GALNTL6: variants seen among roughly 807,000 people sequenced by gnomAD.
GALNTL6 encodes polypeptide N-acetylgalactosaminyltransferase like 6, also known as polypeptide N-acetylgalactosaminyltransferase-like 6.
GALNTL6 carries 46 observed loss-of-function variants against 73.7 expected under a neutral mutation model. That is an observed-to-expected ratio of 0.62 (90% confidence interval 0.49 to 0.80). The LOEUF (loss-of-function observed/expected upper bound fraction) is 0.80. Among genes scored for constraint, GALNTL6 ranks in the 30% least tolerant of loss-of-function variants. The pLI, the probability that GALNTL6 is intolerant of heterozygous loss-of-function variation, is 0.00. For missense variants in GALNTL6, 604 were observed against 755.0 expected, an observed-to-expected ratio of 0.80 and a Z score of 2.34; for synonymous variants, 259 against 263.7, an observed-to-expected ratio of 0.98 and a Z score of 0.17.
chr4:172,004,365 A>G (rs1306609662), intron 2 of GALNTL6, among the ~76,000 whole-genome samples: 1 of 152,138 alleles, frequency 6.6e-6, no homozygotes, highest in Non-Finnish European at 1.5e-5. Context: ...AGTAAACAAC[A>G]TCAAAATGAT....
chr4:172,306,709 C>T (rs560114585), intron 3 of GALNTL6, among the ~76,000 whole-genome samples: 119 of 152,212 alleles, frequency 7.8e-4, no homozygotes, highest in African/African-American at 2.2e-3. Context: ...TGAGAACATA[C>T]GATGTTTGAT....
At chr4:172,445,980 C>T (rs188636519) in intron 5 of GALNTL6, among the ~76,000 whole-genome samples, 11 of 152,178 alleles carry the variant, frequency 7.2e-5, no homozygotes, top group East Asian at 5.8e-4. Context: ...TGAAACAAGA[C>T]GTTATCCCTA....
At chr4:172,123,789 G>T (rs982115384) in intron 2 of GALNTL6, among the ~76,000 whole-genome samples, 2 of 152,104 alleles carry the variant, frequency 1.3e-5, no homozygotes, top group African/African-American at 4.8e-5. Flanking sequence ...ATGAGCCACT[G>T]TGCCTGGCCT....
intron 5 of GALNTL6, among the ~76,000 whole-genome samples, chr4:172,680,548 C>T (rs1481214988): frequency 6.6e-6 from 1 of 152,086 alleles, no homozygotes. Flanking sequence ...TGAATTTAGG[C>T]AAGTCACTTC....
chr4:172,099,549 C>T (rs1216473881), intron 2 of GALNTL6, among the ~76,000 whole-genome samples: 5 of 152,150 alleles, frequency 3.3e-5, no homozygotes, highest in South Asian at 2.1e-4. Flanking sequence ...AGAAACTACA[C>T]GAGTTTCTGT....
At chr4:172,864,851 A>G (rs1253317136) in intron 7 of GALNTL6, among the ~76,000 whole-genome samples, 2 of 152,166 alleles carry the variant, frequency 1.3e-5, no homozygotes, top group Non-Finnish European at 2.9e-5. Flanking sequence ...GCCTCTTATT[A>G]AAAGTATTTA....
At chr4:172,222,193 C>A (rs1195315555) in intron 2 of GALNTL6, among the ~76,000 whole-genome samples, 1 of 151,866 alleles carries the variant, frequency 6.6e-6, no homozygotes, top group Non-Finnish European at 1.5e-5. Context: ...TGAGGGTAAT[C>A]TGACCTCTGC....
chr4:172,071,006 CAGA>C (rs1327334271), intron 2 of GALNTL6, among the ~76,000 whole-genome samples: 2 of 109,564 alleles, frequency 1.8e-5, no homozygotes, highest in African/African-American at 6.9e-5. Flanking sequence ...TATTTAATCA[CAGA>C]AGGTTTTACA....
At chr4:172,865,450 C>T (rs1258404635) in intron 7 of GALNTL6, among the ~76,000 whole-genome samples, 1 of 152,148 alleles carries the variant, frequency 6.6e-6, no homozygotes, top group Non-Finnish European at 1.5e-5. Context: ...TGGCTGAAGT[C>T]TTTCTGTTTC....
intron 12 of GALNTL6, among the ~76,000 whole-genome samples, chr4:173,022,730 A>G (rs1753066958): frequency 6.6e-6 from 1 of 152,250 alleles, no homozygotes; most frequent in Non-Finnish European, 1.5e-5. Context: ...TAAAAGTTTC[A>G]AAAATTATAA....
At chr4:172,478,112 A>G (rs1733305144) in intron 5 of GALNTL6, among the ~76,000 whole-genome samples, 1 of 152,170 alleles carries the variant, frequency 6.6e-6, no homozygotes, top group African/African-American at 2.4e-5. Context: ...TACAGATTCA[A>G]TGCAATTCCT....
chr4:172,747,481 C>T (rs1230115785), intron 5 of GALNTL6, among the ~76,000 whole-genome samples: 3 of 152,070 alleles, frequency 2.0e-5, no homozygotes, highest in Non-Finnish European at 4.4e-5. Context: ...CACCTCACAT[C>T]TGTCAGACTG....
At chr4:172,191,963 A>G (rs1377512361) in intron 2 of GALNTL6, among the ~76,000 whole-genome samples, 1 of 151,954 alleles carries the variant, frequency 6.6e-6, no homozygotes, top group East Asian at 1.9e-4. Context: ...TGCATAATAA[A>G]TAATTGATGT....
At chr4:172,834,363 A>G (rs1332126471) in intron 7 of GALNTL6, among the ~76,000 whole-genome samples, 1 of 152,184 alleles carries the variant, frequency 6.6e-6, no homozygotes, top group East Asian at 1.9e-4. Context: ...AGCAGTCCCA[A>G]GGCTGGAGTA....
At chr4:173,032,094 T>G (rs1026975664) in intron 12 of GALNTL6, among the ~76,000 whole-genome samples, 44 of 152,232 alleles carry the variant, frequency 2.9e-4, no homozygotes, top group African/African-American at 1.0e-3. Context: ...TTGAAATGCA[T>G]ACGTGCAACA....
At chr4:172,281,495 G>C (rs1739054503) in intron 3 of GALNTL6, among the ~76,000 whole-genome samples, 1 of 151,868 alleles carries the variant, frequency 6.6e-6, no homozygotes, top group East Asian at 1.9e-4. Context: ...AGGAGTTCAA[G>C]ACCAGCCTGG....
intron 2 of GALNTL6, among the ~76,000 whole-genome samples, chr4:171,933,967 T>C (rs1160732083): frequency 1.3e-5 from 2 of 152,186 alleles, no homozygotes; most frequent in East Asian, 1.9e-4. Flanking sequence ...TTTTCAAATG[T>C]TATAAACACC....
chr4:171,859,803 C>T (rs1023770949), intron 2 of GALNTL6, among the ~76,000 whole-genome samples: 1 of 152,196 alleles, frequency 6.6e-6, no homozygotes, highest in African/African-American at 2.4e-5. Flanking sequence ...GACTTCAGCT[C>T]CTCAGACTGC....
intron 5 of GALNTL6, among the ~76,000 whole-genome samples, chr4:172,772,003 C>G (rs895818014): frequency 1.3e-5 from 2 of 152,160 alleles, no homozygotes; most frequent in African/African-American, 4.8e-5. Flanking sequence ...CACAGTTCCA[C>G]ATGGCTGGGG....
Sources: gnomAD v4.1 joint callset for allele counts (sites outside exome capture counted in the v4.1 genomes callset) on GRCh38, gnomAD v4.1.1 for gene constraint, MANE v1.5 for transcripts, NCBI Gene and HGNC (gene_info 2026-07-23, HGNC 2026-07-21) for gene names.